The following AFF2 variants were observed in gnomAD, a reference collection of about 807,000 sequenced individuals.
The protein encoded by AFF2 is ALF transcription elongation factor 2, also known as AF4/FMR2 family member 2.
AFF2 carries 14 observed loss-of-function variants against 76.9 expected under a neutral mutation model. That is an observed-to-expected ratio of 0.18 (90% CI 0.12 to 0.28). The LOEUF (loss-of-function observed/expected upper bound fraction) is 0.28. Among genes scored for constraint, AFF2 ranks in the 10% least tolerant of loss-of-function variants. AFF2 has a pLI of 1.00. For missense variants in AFF2, 868 were observed against 1,001.1 expected, an observed-to-expected ratio of 0.87 and a Z score of 1.79; for synonymous variants, 398 against 366.7, an observed-to-expected ratio of 1.09 and a Z score of -0.98.
chrX:148,709,846 C>T (rs1296035463), intron 3 of AFF2, among the ~76,000 whole-genome samples: 1 of 112,091 alleles, frequency 8.9e-6, no homozygotes, highest in South Asian at 3.7e-4. Flanking sequence ...AATTGTAATA[C>T]TTGAACTGCT....
chrX:148,906,388 G>A (rs2071407644), intron 9 of AFF2, among the ~76,000 whole-genome samples: 1 of 111,372 alleles, frequency 9.0e-6, no homozygotes, highest in Admixed American at 9.5e-5. Flanking sequence ...ATTGAGAGGG[G>A]GACTGAGAGA....
Position 148,837,725 on chromosome X carries a change from C to A in AFF2, c.1165C>A (p.Pro389Thr). 8.5e-7 allele frequency: 1 copy of A among 1,173,464 alleles called. No homozygotes were observed. The highest frequency in any genetic ancestry group is 1.2e-6 in the Non-Finnish European group (1 of 862,251). The change falls in exon 5 of 21, where the codon CCA becomes ACA. Residue 389 changes from proline to threonine, a missense_variant. Pro to Thr is a conservative substitution (Grantham distance 38, BLOSUM62 -1). This residue lies in a region of AFF2 where 532 missense variants were observed against 564.2 expected (regional missense o/e 0.94). Transcript: ENST00000370460. ...CTCTGAGCAGAGCACCTTTTCCATC[C>A]CAGGACAGGTCAGTTCTCTTCCTTC... Reference protein sequence around the residue: ...GHSEQSTFSIPGQESQHLTPG... With the variant: ...GHSEQSTFSITGQESQHLTPG...
At chrX:148,652,511 A>G (rs972160393) in intron 2 of AFF2, among the ~76,000 whole-genome samples, 8 of 112,144 alleles carry the variant, frequency 7.1e-5, no homozygotes, top group Non-Finnish European at 1.9e-5. Context: ...TTTCCCAATC[A>G]GTGTCATCCA....
At chrX:148,734,935 C>G (rs2055267558) in intron 3 of AFF2, among the ~76,000 whole-genome samples, 1 of 111,763 alleles carries the variant, frequency 8.9e-6, no homozygotes, top group Non-Finnish European at 1.9e-5. Context: ...GTTATTCTCT[C>G]CAAAAATCAC....
chrX:148,982,128 A>T (rs1557290942), intron 19 of AFF2, among the ~76,000 whole-genome samples: 1 of 112,117 alleles, frequency 8.9e-6, no homozygotes, highest in African/African-American at 3.2e-5. Flanking sequence ...CTGGGGAAAA[A>T]AGCGTTTTTT....
At chrX:148,793,727 CCCATACCTT>C (rs1214029059) in intron 3 of AFF2, among the ~76,000 whole-genome samples, 1 of 111,814 alleles carries the variant, frequency 8.9e-6, no homozygotes, top group Non-Finnish European at 1.9e-5. Context: ...TAAGGTTAAT[CCCATACCTT>C]CCATTCACAT....
intron 16 of AFF2, among the ~76,000 whole-genome samples, chrX:148,975,719 C>A (rs1352784724): frequency 9.3e-6 from 1 of 107,082 alleles, no homozygotes; most frequent in Non-Finnish European, 1.9e-5. Context: ...CCGAGGCGGG[C>A]GGATCACGAG....
chrX:148,950,667 A>G (rs1459327528), intron 9 of AFF2, among the ~76,000 whole-genome samples: 1 of 112,223 alleles, frequency 8.9e-6, no homozygotes, highest in African/African-American at 3.2e-5. Context: ...CCACCTGAGA[A>G]CACAGAAACA....
intron 1 of AFF2, among the ~76,000 whole-genome samples, chrX:148,575,287 C>G (rs1208615559): frequency 1.8e-5 from 2 of 110,887 alleles, no homozygotes; most frequent in Non-Finnish European, 3.8e-5. Context: ...TCACTCTTTT[C>G]CATCAGCATT....
intron 2 of AFF2, 151 bp from the exon 3 acceptor site, chrX:148,661,757 A>G: frequency 3.3e-6 from 2 of 611,509 alleles, no homozygotes; most frequent in Middle Eastern, 5.5e-4. Flanking sequence ...CTTACATAGC[A>G]CATGAAAAGC....
intron 9 of AFF2, among the ~76,000 whole-genome samples, chrX:148,946,476 A>C (rs1182838854): frequency 1.8e-5 from 2 of 112,803 alleles, no homozygotes; most frequent in Non-Finnish European, 3.7e-5. Flanking sequence ...CCTCAAACTT[A>C]GTGCTTTAAA....
chrX:148,500,996 G>C lies in AFF2; in HGVS notation c.-102G>C, dbSNP rs375327948. The C allele has an allele frequency of 1.7e-4, 174 of 1,023,113 alleles. 1 individual carries two copies. In the East Asian group the frequency reaches 4.3e-3, roughly 25 times the overall value. 84.3% of individuals were successfully genotyped at this position (1,023,113 alleles called of 1,213,427 possible). A position where few individuals can be genotyped will look rare whatever the true frequency, so the allele number is the denominator to read the frequency against. ...CTTTTAGCTGGGCGGGAGGGCTGGA[G>C]AGCCGGGGGCCGCCGAGAACCGCCA... is the stretch of plus-strand genomic sequence containing the variant. On this transcript the variant is annotated 5_prime_UTR_variant, in exon 1 of 21. Transcript: ENST00000370460.
chrX:148,996,944 C>T lies in AFF2; in HGVS notation c.*5612C>T, dbSNP rs781950221. ...ACATGTAACTAGGATAAAGTATTTA[C>T]GGGAACTCTATGGAGAATAGCACAA... On this transcript the variant is annotated 3_prime_UTR_variant, in exon 21 of 21. Coordinates refer to ENST00000370460, the MANE Select transcript of AFF2 (RefSeq NM_002025.4). The T allele has an allele frequency of 1.2e-4, 14 of 112,022 alleles. No homozygotes were observed. The East Asian group carries it at 2.0e-3, about 16-fold the overall frequency. 9.2% of individuals were successfully genotyped at this position (112,022 alleles called of 1,213,427 possible).
At chrX:148,775,945 G>T (rs2069661728) in intron 3 of AFF2, among the ~76,000 whole-genome samples, 1 of 110,012 alleles carries the variant, frequency 9.1e-6, no homozygotes, top group Admixed American at 9.7e-5. Flanking sequence ...GTGCCATGGT[G>T]GTTTGCTGCA....
intron 3 of AFF2, among the ~76,000 whole-genome samples, chrX:148,806,834 C>T (rs1397413327): frequency 3.6e-5 from 4 of 112,184 alleles, no homozygotes; most frequent in African/African-American, 9.7e-5. Context: ...GTATTACCAA[C>T]TCTCCATGCT....
chrX:148,551,114 A>G (rs1388844163), intron 1 of AFF2, among the ~76,000 whole-genome samples: 1 of 110,792 alleles, frequency 9.0e-6, no homozygotes, highest in East Asian at 2.8e-4. Context: ...TTCTTTAGTA[A>G]GAAACTTTCA....
chrX:148,833,128 C>A (rs1603308123), intron 4 of AFF2, among the ~76,000 whole-genome samples: 2 of 111,393 alleles, frequency 1.8e-5, no homozygotes, highest in African/African-American at 6.5e-5. Flanking sequence ...CATAAACACA[C>A]ATGTGTGTTC....
intron 8 of AFF2, among the ~76,000 whole-genome samples, chrX:148,898,316 C>T (rs1162879628): frequency 8.9e-6 from 1 of 111,995 alleles, no homozygotes; most frequent in African/African-American, 3.2e-5. Context: ...ACTCAATGAG[C>T]AATGGGAAGC....
chrX:148,985,081 A>T (rs1317350442), intron 19 of AFF2, among the ~76,000 whole-genome samples: 5 of 109,016 alleles, frequency 4.6e-5, no homozygotes, highest in Admixed American at 3.0e-4. Flanking sequence ...GCCTTCTCAG[A>T]TCAAGTGATT....
Sources: gnomAD v4.1 joint callset for allele counts (sites outside exome capture counted in the v4.1 genomes callset) on GRCh38, gnomAD v4.1.1 for gene constraint, gnomAD v4.1.1 regional missense constraint, MANE v1.5 for transcripts, NCBI Gene and HGNC (gene_info 2026-07-23, HGNC 2026-07-21) for gene names.